The following NR1H4 variants were observed in gnomAD, a reference collection of about 807,000 sequenced individuals.
NR1H4 encodes nuclear receptor subfamily 1 group H member 4.
Under a neutral mutation model 58.5 loss-of-function variants are expected in NR1H4, and 23 were observed. The observed-to-expected ratio is 0.39, with a 90% CI of 0.28 to 0.56. The LOEUF (loss-of-function observed/expected upper bound fraction) is 0.56. Ranked by LOEUF, NR1H4 falls within the 20% of genes least tolerant of loss-of-function variation. The pLI is 0.58. For synonymous variants in NR1H4, 214 were observed against 198.0 expected, an observed-to-expected ratio of 1.08 and a Z score of -0.68; for missense variants, 487 against 576.9, an observed-to-expected ratio of 0.84 and a Z score of 1.60.
At position 100,532,125 on chromosome 12, in the gene NR1H4, C is replaced by T. The variant is rs75863305; in HGVS notation, c.446-333C>T. Among the ~76,000 whole-genome samples, 19 of 152,248 alleles carry T rather than the reference C, an allele frequency of 1.2e-4. No homozygotes were observed. The East Asian group carries it at 3.7e-3, about 29-fold the overall frequency. On this transcript the variant is annotated intron_variant, in intron 4 of 10. Transcript: ENST00000392986. ...TTGGAGCCCAGGGGTGAATTGTTTG[C>T]CTTTGTACCCTCTGCACTTAGTGCT... is the stretch of plus-strand genomic sequence containing the variant.
chr12:100,555,525 T>A (rs1955303008), intron 9 of NR1H4, among the ~76,000 whole-genome samples: 1 of 152,176 alleles, frequency 6.6e-6, no homozygotes, highest in Non-Finnish European at 1.5e-5. Flanking sequence ...AGACTTAAGA[T>A]GAACTGAAAT....
At chr12:100,555,247 G>C (rs1955295725) in intron 9 of NR1H4, among the ~76,000 whole-genome samples, 1 of 152,156 alleles carries the variant, frequency 6.6e-6, no homozygotes, top group Non-Finnish European at 1.5e-5. Context: ...TAATGGCATA[G>C]CCATAAATTA....
intron 1 of NR1H4, among the ~76,000 whole-genome samples, chr12:100,476,128 G>A (rs1478677710): frequency 6.6e-6 from 1 of 152,132 alleles, no homozygotes; most frequent in African/African-American, 2.4e-5. Context: ...GAAGTAGCGG[G>A]ACCTGAACTT....
At chr12:100,534,200 C>A (rs1380199625) in intron 5 of NR1H4, among the ~76,000 whole-genome samples, 5 of 152,278 alleles carry the variant, frequency 3.3e-5, no homozygotes, top group African/African-American at 1.2e-4. Context: ...GCCTTAATAG[C>A]TCTCTTTAAG....
At position 100,536,446 on chromosome 12, in the gene NR1H4, T is replaced by C. The variant is rs942391794; in HGVS notation, c.733-66T>C. ...CTGCTATTAGGTCCCTCCAGATGAA[T>C]GCACATATAGAAAGAAGGCTTTATA... On this transcript the variant is annotated intron_variant, in intron 6 of 10. Coordinates refer to ENST00000392986, the MANE Select transcript of NR1H4 (RefSeq NM_001206979.2). The C allele has an allele frequency of 4.5e-6, 4 of 896,640 alleles. No individual in the cohort carries two copies. The Admixed American group carries it at 5.2e-5, about 12-fold the overall frequency. 55.5% of individuals were successfully genotyped at this position (896,640 alleles called of 1,614,324 possible). A position where few individuals can be genotyped will look rare whatever the true frequency, so the allele number is the denominator to read the frequency against.
intron 3 of NR1H4, among the ~76,000 whole-genome samples, chr12:100,495,697 C>T (rs1185291060): frequency 6.6e-6 from 1 of 151,834 alleles, no homozygotes; most frequent in Non-Finnish European, 1.5e-5. Flanking sequence ...CCACTGCACT[C>T]CAGCCTGGTG....
At chr12:100,529,401 C>T (rs1954638257) in intron 4 of NR1H4, among the ~76,000 whole-genome samples, 1 of 152,126 alleles carries the variant, frequency 6.6e-6, no homozygotes, top group African/African-American at 2.4e-5. Flanking sequence ...GAGGAGCTTC[C>T]CAACATACAG....
chr12:100,487,667 A>G (rs184146555), intron 1 of NR1H4, among the ~76,000 whole-genome samples: 2 of 144,076 alleles, frequency 1.4e-5, no homozygotes, highest in Non-Finnish European at 3.0e-5. Context: ...GCTGGAGTGC[A>G]GTGGCGTGAT....
At chr12:100,556,248 A>T (rs565551229) in intron 9 of NR1H4, among the ~76,000 whole-genome samples, 2 of 152,214 alleles carry the variant, frequency 1.3e-5, no homozygotes, top group South Asian at 4.2e-4. Context: ...CGGGTGGATC[A>T]CCTGAGGTCG....
chr12:100,557,995 T>A (rs1376027906), intron 9 of NR1H4, among the ~76,000 whole-genome samples: 1 of 152,166 alleles, frequency 6.6e-6, no homozygotes, highest in Non-Finnish European at 1.5e-5. Context: ...CCAATGGCTC[T>A]TGTGGAATAA....
intron 3 of NR1H4, among the ~76,000 whole-genome samples, chr12:100,506,105 C>T (rs1953958953): frequency 6.6e-6 from 1 of 151,362 alleles, no homozygotes; most frequent in African/African-American, 2.4e-5. Flanking sequence ...AAGAACTATC[C>T]TAATACTTAT....
intron 4 of NR1H4, among the ~76,000 whole-genome samples, chr12:100,525,702 C>T (rs1199467553): frequency 6.6e-6 from 1 of 152,148 alleles, no homozygotes; most frequent in Non-Finnish European, 1.5e-5. Flanking sequence ...AAAGATTGTA[C>T]AGAATTGGTA....
chr12:100,491,984 C>A (rs1330105552), intron 1 of NR1H4, among the ~76,000 whole-genome samples: 1 of 152,128 alleles, frequency 6.6e-6, no homozygotes, highest in African/African-American at 2.4e-5. Flanking sequence ...GCTTTCATGA[C>A]AATATATAAT....
rs1183329667 is a variant in NR1H4 at position 100,564,148 on chromosome 12, G to C, written c.*659G>C. On this transcript the variant is annotated 3_prime_UTR_variant, in exon 11 of 11. Transcript: ENST00000392986. ...TCCCCCATAGTTAGTCTTGAGGCAG[G>C]ATTCACAAATTCAGAGTATGCAGCT... The C allele has an allele frequency of 2.0e-5, 3 of 152,446 alleles. No homozygotes were observed. Among genetic ancestry groups the C allele is most frequent in the Admixed American group, 1.3e-4 (2 of 15,298 alleles). 9.4% of individuals were successfully genotyped at this position (152,446 alleles called of 1,614,324 possible).
intron 9 of NR1H4, among the ~76,000 whole-genome samples, chr12:100,557,365 G>A (rs1383949265): frequency 6.6e-6 from 1 of 152,166 alleles, no homozygotes; most frequent in Non-Finnish European, 1.5e-5. Flanking sequence ...ACCATGGGGA[G>A]GGCACCAAGC....
intron 1 of NR1H4, among the ~76,000 whole-genome samples, chr12:100,491,555 T>C (rs1379369083): frequency 1.3e-5 from 2 of 150,914 alleles, no homozygotes; most frequent in African/African-American, 2.4e-5. Context: ...ATTACATATG[T>C]CTCTAATGGC....
chr12:100,549,762 C>T (rs1046678416), intron 9 of NR1H4, among the ~76,000 whole-genome samples: 1 of 152,024 alleles, frequency 6.6e-6, no homozygotes, highest in African/African-American at 2.4e-5. Flanking sequence ...CAATAAAAAC[C>T]ATCCAAACTC....
chr12:100,527,966 C>T (rs1954603611), intron 4 of NR1H4, among the ~76,000 whole-genome samples: 1 of 152,050 alleles, frequency 6.6e-6, no homozygotes, highest in Non-Finnish European at 1.5e-5. Flanking sequence ...TAGAACAGTG[C>T]CTGGCACAAA....
intron 8 of NR1H4, among the ~76,000 whole-genome samples, chr12:100,539,368 T>C (rs1249898771): frequency 6.6e-6 from 1 of 152,162 alleles, no homozygotes; most frequent in Non-Finnish European, 1.5e-5. Flanking sequence ...TTCCATTCAG[T>C]ATTCATTGAG....
Sources: gnomAD v4.1 joint callset for allele counts (sites outside exome capture counted in the v4.1 genomes callset) on GRCh38, gnomAD v4.1.1 for gene constraint, MANE v1.5 for transcripts, NCBI Gene and HGNC (gene_info 2026-07-23, HGNC 2026-07-21) for gene names.